MACROD2: variants seen among roughly 807,000 people sequenced by gnomAD.
MACROD2 encodes ADP-ribose glycohydrolase MACROD2.
In MACROD2, 36 loss-of-function variants were observed where a neutral mutation model predicts 70.4. The ratio of observed to expected loss-of-function variants is 0.51; its 90% CI spans 0.39 to 0.68. MACROD2 has a LOEUF of 0.68. Among genes scored for constraint, MACROD2 ranks in the 30% least tolerant of loss-of-function variants. The probability of loss-of-function intolerance (pLI) is 0.00; values close to 1 mark genes in which losing one functional copy is unlikely to be tolerated. For synonymous variants in MACROD2, 172 were observed against 178.8 expected (o/e 0.96, Z 0.30); for missense variants, 496 against 538.4 (o/e 0.92, Z 0.78).
At chr20:15,272,183 T>C (rs2077351683) in intron 6 of MACROD2, among the ~76,000 whole-genome samples, 1 of 152,228 alleles carries the variant, frequency 6.6e-6, no homozygotes, top group Non-Finnish European at 1.5e-5. Context: ...ATTTGAAAAT[T>C]GTGTACAGAT....
At chr20:14,088,150 G>A (rs1485511314) in intron 3 of MACROD2, among the ~76,000 whole-genome samples, 1 of 151,936 alleles carries the variant, frequency 6.6e-6, no homozygotes, top group African/African-American at 2.4e-5. Flanking sequence ...CCAACATGGT[G>A]AAACCCCGTC....
At chr20:15,470,997 T>A (rs2046957490) in intron 7 of MACROD2, among the ~76,000 whole-genome samples, 1 of 152,206 alleles carries the variant, frequency 6.6e-6, no homozygotes, top group African/African-American at 2.4e-5. Context: ...AAAAGTTTTT[T>A]CCGCCTCCTT....
intron 5 of MACROD2, among the ~76,000 whole-genome samples, chr20:15,096,069 G>A (rs886308612): frequency 1.3e-5 from 2 of 152,024 alleles, no homozygotes; most frequent in Non-Finnish European, 2.9e-5. Context: ...GGACAATTTG[G>A]ACTTTATGCA....
chr20:15,739,803 A>G (rs2051077629), intron 8 of MACROD2, among the ~76,000 whole-genome samples: 5 of 152,256 alleles, frequency 3.3e-5, no homozygotes, highest in Admixed American at 3.3e-4. Context: ...AGGGAAATGC[A>G]AAAACATTTT....
At chr20:14,115,589 A>G (rs2054503898) in intron 3 of MACROD2, among the ~76,000 whole-genome samples, 2 of 152,210 alleles carry the variant, frequency 1.3e-5, no homozygotes, top group Admixed American at 6.5e-5. Context: ...TGGAAGAGAC[A>G]ACTTTTGGTC....
intron 8 of MACROD2, among the ~76,000 whole-genome samples, chr20:15,825,137 T>C (rs769532888): frequency 2.0e-5 from 3 of 152,194 alleles, no homozygotes; most frequent in African/African-American, 7.2e-5. Flanking sequence ...TTTTGAGAGA[T>C]TAAAAATGTC....
At chr20:15,905,811 A>G (rs2065138693) in intron 10 of MACROD2, among the ~76,000 whole-genome samples, 1 of 152,196 alleles carries the variant, frequency 6.6e-6, no homozygotes, top group Admixed American at 6.5e-5. Flanking sequence ...TCCTGGATTC[A>G]CGCCACACTC....
chr20:14,284,837 C>T (rs959974562), intron 3 of MACROD2, among the ~76,000 whole-genome samples: 1 of 152,144 alleles, frequency 6.6e-6, no homozygotes, highest in Non-Finnish European at 1.5e-5. Flanking sequence ...AGAGTTCACA[C>T]TTCACTGGGA....
chr20:15,490,549 C>T (rs1319272787), intron 7 of MACROD2, among the ~76,000 whole-genome samples: 2 of 152,108 alleles, frequency 1.3e-5, no homozygotes, highest in African/African-American at 2.4e-5. Context: ...GCATGAACCA[C>T]CGCACCTGGC....
intron 5 of MACROD2, among the ~76,000 whole-genome samples, chr20:14,730,998 CACACACACACAT>C (rs1279150207): frequency 8.9e-6 from 1 of 112,376 alleles, no homozygotes; most frequent in East Asian, 4.1e-4. Context: ...CACACACACA[CACACACACACAT>C]GCACACACAC....
chr20:14,222,813 GAAAAAAAAAAAAA>G (rs199573606), intron 3 of MACROD2, among the ~76,000 whole-genome samples: 71 of 132,946 alleles, frequency 5.3e-4, no homozygotes, highest in Non-Finnish European at 8.9e-4. Context: ...TTGGATTTCT[GAAAAAAAAAAAAA>G]AAAAAAAAAA....
chr20:15,487,135 A>G (rs1314729376), intron 7 of MACROD2, among the ~76,000 whole-genome samples: 1 of 152,238 alleles, frequency 6.6e-6, no homozygotes, highest in African/African-American at 2.4e-5. Context: ...AGCAAGTCAG[A>G]TGGCCAAAGT....
chr20:14,801,148 C>T (rs570190293), intron 5 of MACROD2, among the ~76,000 whole-genome samples: 3 of 152,220 alleles, frequency 2.0e-5, no homozygotes, highest in African/African-American at 7.2e-5. Context: ...AAAACTTTTC[C>T]CTAATTGGGA....
At chr20:15,396,819 T>A (rs950572803) in intron 6 of MACROD2, among the ~76,000 whole-genome samples, 3 of 152,192 alleles carry the variant, frequency 2.0e-5, no homozygotes, top group Non-Finnish European at 4.4e-5. Context: ...ATGCTCCCAC[T>A]CATCTTTAAT....
intron 5 of MACROD2, among the ~76,000 whole-genome samples, chr20:15,082,568 T>C (rs11698155): frequency 0.18 from 26,802 of 145,464 alleles, 3,312 homozygotes; most frequent in Non-Finnish European, 0.27. Flanking sequence ...GATAGAACTG[T>C]TTTGGAAATC....
chr20:15,301,256 C>A (rs2077639658), intron 6 of MACROD2, among the ~76,000 whole-genome samples: 2 of 152,156 alleles, frequency 1.3e-5, no homozygotes, highest in Non-Finnish European at 2.9e-5. Context: ...TACCTCATCC[C>A]TTTTTGTTGA....
intron 5 of MACROD2, among the ~76,000 whole-genome samples, chr20:14,811,822 A>C (rs1381832975): frequency 6.6e-6 from 1 of 152,168 alleles, no homozygotes; most frequent in Non-Finnish European, 1.5e-5. Context: ...CGAGCATATG[A>C]AAAAAAGCTC....
chr20:15,140,437 A>G (rs546501495), intron 5 of MACROD2, among the ~76,000 whole-genome samples: 5 of 152,298 alleles, frequency 3.3e-5, no homozygotes, highest in East Asian at 1.9e-4. Context: ...TATAATATGT[A>G]TAACCGAGAT....
In MACROD2 at chr20:14,649,787, G is replaced by A. The variant is rs113450804; in HGVS notation, c.302-35056G>A. Among the ~76,000 whole-genome samples, 209 of 152,176 alleles carry A rather than the reference G, an allele frequency of 1.4e-3. 1 individual carries two copies. Among genetic ancestry groups the A allele is most frequent in the Non-Finnish European group, 2.6e-3 (175 of 67,998 alleles). On this transcript the variant is annotated intron_variant, in intron 4 of 17. Coordinates refer to ENST00000684519, the MANE Select transcript of MACROD2 (RefSeq NM_001351661.2). ...GTGCTGGTTGTCAGATAAGAATACC[G>A]AGGCTAATACCAGGGCCCTCCCTTT...
Sources: allele counts gnomAD v4.1 joint callset (sites outside exome capture counted in the v4.1 genomes callset), GRCh38; gene constraint gnomAD v4.1.1; transcripts MANE v1.5; gene names NCBI Gene and HGNC (gene_info 2026-07-23, HGNC 2026-07-21).